SCMH1: variants seen among roughly 807,000 people sequenced by gnomAD.
SCMH1 encodes the protein polycomb protein SCMH1.
SCMH1 carries 37 observed loss-of-function variants against 70.8 expected under a neutral mutation model. The observed-to-expected ratio is 0.52, with a 90% CI of 0.40 to 0.69. SCMH1 has a LOEUF of 0.69. Among genes scored for constraint, SCMH1 ranks in the 30% least tolerant of loss-of-function variants. The pLI is 0.00. For synonymous variants in SCMH1, 292 were observed against 307.4 expected (o/e 0.95, Z 0.52); for missense variants, 607 against 827.3 (o/e 0.73, Z 3.27).
intron 1 of SCMH1, among the ~76,000 whole-genome samples, chr1:41,200,939 T>A (rs973367258): frequency 6.6e-6 from 1 of 152,140 alleles, no homozygotes; most frequent in African/African-American, 2.4e-5. Context: ...ATTTTTTTTT[T>A]ATCAGTTCAC....
At chr1:41,166,324 A>G (rs1025487582) in intron 2 of SCMH1, among the ~76,000 whole-genome samples, 2 of 151,780 alleles carry the variant, frequency 1.3e-5, no homozygotes, top group Admixed American at 6.6e-5. Context: ...GCTATTTGGG[A>G]TCCTTTGTGT....
chr1:41,146,715 T>C (rs1196111032), intron 5 of SCMH1, among the ~76,000 whole-genome samples: 1 of 152,162 alleles, frequency 6.6e-6, no homozygotes, highest in Non-Finnish European at 1.5e-5. Flanking sequence ...TCCAGGTTTG[T>C]GCAAGTATAT....
At chr1:41,228,801 AATTTTAAAT>A (rs559026297) in intron 1 of SCMH1, among the ~76,000 whole-genome samples, 44 of 152,214 alleles carry the variant, frequency 2.9e-4, no homozygotes, top group African/African-American at 1.0e-3. Flanking sequence ...TCAGACTTAA[AATTTTAAAT>A]ATTTAACCCT....
chr1:41,123,418 G>A (rs904289609), intron 6 of SCMH1, among the ~76,000 whole-genome samples: 4 of 152,144 alleles, frequency 2.6e-5, no homozygotes, highest in Non-Finnish European at 4.4e-5. Context: ...CACTGAGATC[G>A]TGACTCACTT....
At chr1:41,091,026 G>A (rs1188227484) in intron 8 of SCMH1, among the ~76,000 whole-genome samples, 1 of 125,184 alleles carries the variant, frequency 8.0e-6, no homozygotes, top group Non-Finnish European at 1.7e-5. Flanking sequence ...GCGAAAGAGC[G>A]AGACTCCGTG....
chr1:41,066,765 T>G (rs1654745840), intron 10 of SCMH1, among the ~76,000 whole-genome samples: 1 of 151,904 alleles, frequency 6.6e-6, no homozygotes, highest in East Asian at 1.9e-4. Context: ...TTTTTTGTAT[T>G]TTTAGTGGAG....
intron 10 of SCMH1, among the ~76,000 whole-genome samples, chr1:41,068,305 A>G (rs72663760): frequency 0.1 from 15,585 of 152,312 alleles, 950 homozygotes; most frequent in South Asian, 0.18. Flanking sequence ...AAGAACAGAG[A>G]TACGACTATT....
chr1:41,121,008 T>C (rs1361432681), intron 6 of SCMH1, among the ~76,000 whole-genome samples: 2 of 152,144 alleles, frequency 1.3e-5, no homozygotes, highest in East Asian at 3.9e-4. Context: ...ACTAGAGGAG[T>C]AGCAGTTTCT....
intron 6 of SCMH1, among the ~76,000 whole-genome samples, chr1:41,134,710 T>C (rs965364634): frequency 6.6e-6 from 1 of 152,194 alleles, no homozygotes; most frequent in African/African-American, 2.4e-5. Flanking sequence ...TTTTCAAAGT[T>C]TTCTTTATGT....
chr1:41,085,205 T>C (rs190467918), intron 8 of SCMH1, among the ~76,000 whole-genome samples: 52 of 150,870 alleles, frequency 3.4e-4, no homozygotes, highest in African/African-American at 1.2e-3. Context: ...CACGAACAAG[T>C]TGGGTCTATA....
intron 8 of SCMH1, among the ~76,000 whole-genome samples, chr1:41,111,572 C>G (rs1297075877): frequency 6.6e-6 from 1 of 152,178 alleles, no homozygotes; most frequent in Non-Finnish European, 1.5e-5. Context: ...AACTCCTGAG[C>G]TCAGGTGATC....
chr1:41,082,239 A>C (rs908556033), intron 8 of SCMH1, among the ~76,000 whole-genome samples: 2 of 152,138 alleles, frequency 1.3e-5, no homozygotes, highest in South Asian at 4.1e-4. Flanking sequence ...AAATGAAAAA[A>C]AGCAACTCCA....
At chr1:41,241,876 G>A (rs1187606203) in intron 1 of SCMH1, among the ~76,000 whole-genome samples, 183 bp downstream of exon 1, 2 of 151,664 alleles carry the variant, frequency 1.3e-5, no homozygotes, top group Non-Finnish European at 2.9e-5. Context: ...TGACACGGCC[G>A]AGAAAGGGCC....
intron 8 of SCMH1, among the ~76,000 whole-genome samples, chr1:41,109,636 T>G (rs778399766): frequency 5.3e-5 from 8 of 152,150 alleles, no homozygotes; most frequent in Non-Finnish European, 1.0e-4. Flanking sequence ...AAGCACCTGG[T>G]CTGGAAATGT....
chr1:41,186,223 C>A, exon 2 of SCMH1: 1 of 757,986 alleles, frequency 1.3e-6, no homozygotes, highest in South Asian at 1.5e-5. Context: ...TCTGACAAGT[C>A]AGTTTCTTTG....
In SCMH1 at chr1:41,113,620, G is replaced by T; in HGVS notation, c.502-94C>A. ...TAATTTGGATGATTAAAAAGTGACTGCTACATGAGACTTATAATGGATATA... is the reference window on the plus strand; with the variant it reads ...TAATTTGGATGATTAAAAAGTGACTTCTACATGAGACTTATAATGGATATA... On this transcript the variant is annotated intron_variant, in intron 7 of 14. Coordinates refer to ENST00000337495, the Ensembl canonical transcript of SCMH1. The surrounding 1 kb of genome is among the most constrained non-coding windows in gnomAD (Gnocchi z 4.3). The T allele has an allele frequency of 7.3e-7, 1 of 1,369,276 alleles. No homozygotes were observed. Among genetic ancestry groups the T allele is most frequent in the Non-Finnish European group, 9.9e-7 (1 of 1,013,960 alleles). 84.8% of individuals were successfully genotyped at this position (1,369,276 alleles called of 1,614,324 possible). A position where few individuals can be genotyped will look rare whatever the true frequency, so the allele number is the denominator to read the frequency against.
chr1:41,187,722 A>C (rs553240530), intron 1 of SCMH1, among the ~76,000 whole-genome samples: 1 of 150,320 alleles, frequency 6.7e-6, no homozygotes, highest in African/African-American at 2.4e-5. Flanking sequence ...AATCGCCTGA[A>C]CTCAAGAGTT....
chr1:41,076,891 T>C (rs1273476513), intron 8 of SCMH1, among the ~76,000 whole-genome samples: 1 of 151,994 alleles, frequency 6.6e-6, no homozygotes, highest in Non-Finnish European at 1.5e-5. Flanking sequence ...TTATTCTAAA[T>C]ATAAAGGGAA....
At chr1:41,215,090 C>T (rs1425075415) in intron 1 of SCMH1, among the ~76,000 whole-genome samples, 1 of 152,048 alleles carries the variant, frequency 6.6e-6, no homozygotes, top group Non-Finnish European at 1.5e-5. Flanking sequence ...ACTATTATTT[C>T]CATTTCATTA....
Sources: gnomAD v4.1 joint callset for allele counts (sites outside exome capture counted in the v4.1 genomes callset) on GRCh38, gnomAD v4.1.1 for gene constraint, Gnocchi (gnomAD v3.1) non-coding constraint, MANE v1.5 for transcripts, NCBI Gene and HGNC (gene_info 2026-07-23, HGNC 2026-07-21) for gene names.